RAB38: variants seen among roughly 807,000 people sequenced by gnomAD.
RAB38 encodes ras-related protein Rab-38.
RAB38 carries 15 observed loss-of-function variants against 18.4 expected under a neutral mutation model. The ratio of observed to expected loss-of-function variants is 0.82; its 90% CI spans 0.55 to 1.26. The LOEUF (loss-of-function observed/expected upper bound fraction) is 1.26. RAB38 is among the 50% of genes most tolerant of loss of function. The pLI, the probability that RAB38 is intolerant of heterozygous loss-of-function variation, is 0.00. For missense variants in RAB38, 294 were observed against 267.4 expected (o/e 1.10, Z -0.69); for synonymous variants, 101 against 104.4 (o/e 0.97, Z 0.20).
At chr11:88,021,669 C>A in the RAB38 span, among the ~76,000 whole-genome samples, 30 of 150,320 alleles carry the variant, frequency 2.0e-4, 1 homozygote, top group South Asian at 2.2e-3. Context: ...TGGCTCACTG[C>A]AACCTCTGCC....
chr11:88,051,223 G>T, the RAB38 span, among the ~76,000 whole-genome samples: 1 of 151,998 alleles, frequency 6.6e-6, no homozygotes, highest in East Asian at 1.9e-4. Context: ...CATCTTTCCT[G>T]CTGGAGGGCC....
chr11:87,973,886 C>A, the RAB38 span, among the ~76,000 whole-genome samples: 1 of 151,906 alleles, frequency 6.6e-6, no homozygotes, highest in South Asian at 2.1e-4. Flanking sequence ...TTAAGAGTCA[C>A]CCCATGCCCT....
At chr11:88,065,046 C>T in the RAB38 span, among the ~76,000 whole-genome samples, 10 of 152,210 alleles carry the variant, frequency 6.6e-5, no homozygotes, top group Admixed American at 3.3e-4. Context: ...TTCATTTTAT[C>T]GTCTCTTTAG....
the RAB38 span, among the ~76,000 whole-genome samples, chr11:87,955,898 C>T: frequency 1.4e-5 from 2 of 142,026 alleles, no homozygotes; most frequent in Non-Finnish European, 3.1e-5. Context: ...CACACACACA[C>T]ACACACAAGT....
At chr11:88,053,537 A>G in the RAB38 span, among the ~76,000 whole-genome samples, 10 of 150,832 alleles carry the variant, frequency 6.6e-5, no homozygotes, top group Non-Finnish European at 1.5e-4. Context: ...CTGGAAAATT[A>G]TCAGATGAAC....
At chr11:88,089,566 C>A in the RAB38 span, among the ~76,000 whole-genome samples, 3 of 151,956 alleles carry the variant, frequency 2.0e-5, no homozygotes, top group African/African-American at 7.2e-5. Flanking sequence ...ATTTCTCTAA[C>A]CTTGCTACAA....
At chr11:87,859,043 T>C in the RAB38 span, among the ~76,000 whole-genome samples, 1 of 151,796 alleles carries the variant, frequency 6.6e-6, no homozygotes, top group Non-Finnish European at 1.5e-5. Flanking sequence ...AAAATAGCCT[T>C]TTGAATTACT....
chr11:87,940,216 G>C, the RAB38 span, among the ~76,000 whole-genome samples: 1 of 151,550 alleles, frequency 6.6e-6, no homozygotes, highest in Non-Finnish European at 1.5e-5. Flanking sequence ...TAGTTGGTTG[G>C]AGTTAATGTC....
chr11:88,170,775 G>T (rs2134858475), intron 1 of RAB38, among the ~76,000 whole-genome samples: 1 of 152,312 alleles, frequency 6.6e-6, no homozygotes, highest in South Asian at 2.1e-4. Flanking sequence ...GCAGAGCTCT[G>T]CAGTCAAACT....
the RAB38 span, among the ~76,000 whole-genome samples, chr11:87,810,335 C>T: frequency 1.3e-5 from 2 of 152,084 alleles, no homozygotes; most frequent in African/African-American, 4.8e-5. Context: ...ATCTTCTCAC[C>T]TCAGCTTCCT....
chr11:88,117,305 T>C (rs1018285262), intron 2 of RAB38, among the ~76,000 whole-genome samples: 5 of 152,180 alleles, frequency 3.3e-5, no homozygotes, highest in African/African-American at 1.2e-4. Context: ...TTTGTGTAAA[T>C]AGCAAAAGCA....
chr11:88,138,129 G>T (rs563651226), intron 2 of RAB38, among the ~76,000 whole-genome samples: 99 of 152,206 alleles, frequency 6.5e-4, no homozygotes, highest in Non-Finnish European at 9.7e-4. Context: ...ACAGTCCCAG[G>T]ATTACAGCCG....
At chr11:88,072,241 T>C in the RAB38 span, among the ~76,000 whole-genome samples, 1 of 152,158 alleles carries the variant, frequency 6.6e-6, no homozygotes, top group Non-Finnish European at 1.5e-5. Context: ...TTGCTAGAAA[T>C]AATAAACGCA....
At chr11:88,175,083 TAGTGATTTTAATC>T in intron 1 of RAB38, 87 bp downstream of exon 1, 1 of 1,324,922 alleles carries the variant, frequency 7.5e-7, no homozygotes, top group South Asian at 1.5e-5. Context: ...CCTCGCGACC[TAGTGATTTTAATC>T]TCACGCTTGG....
chr11:88,053,075 CAT>C, the RAB38 span, among the ~76,000 whole-genome samples: 6 of 125,202 alleles, frequency 4.8e-5, no homozygotes, highest in East Asian at 8.8e-4. Context: ...TATATATACA[CAT>C]ATATATGGAA....
chr11:88,139,112 G>A (rs755892496), intron 2 of RAB38, among the ~76,000 whole-genome samples: 19 of 152,084 alleles, frequency 1.2e-4, no homozygotes, highest in Non-Finnish European at 2.5e-4. Context: ...GATTCGCATG[G>A]TCTTGTTTTG....
At chr11:87,904,252 C>G in the RAB38 span, among the ~76,000 whole-genome samples, 1 of 151,634 alleles carries the variant, frequency 6.6e-6, no homozygotes, top group African/African-American at 2.4e-5. Flanking sequence ...TATCCTCTCC[C>G]CCTCAGTAGT....
the RAB38 span, chr11:87,815,019 C>T: frequency 6.6e-6 from 1 of 152,522 alleles, no homozygotes; most frequent in Non-Finnish European, 1.5e-5. Context: ...AGGCGTGAGC[C>T]ACCGTGCCTG....
At chr11:87,939,197 G>C in the RAB38 span, among the ~76,000 whole-genome samples, 6 of 152,110 alleles carry the variant, frequency 3.9e-5, no homozygotes, top group Admixed American at 2.0e-4. Flanking sequence ...TAGAATGTTG[G>C]CTATAGGATG....
Sources: gnomAD v4.1 joint callset for allele counts (sites outside exome capture counted in the v4.1 genomes callset) on GRCh38, gnomAD v4.1.1 for gene constraint, MANE v1.5 for transcripts, NCBI Gene and HGNC (gene_info 2026-07-23, HGNC 2026-07-21) for gene names.